Variants in ANKRD40 observed in about 807,000 individuals in gnomAD.
The protein encoded by ANKRD40 is ankyrin repeat domain 40.
In ANKRD40, 24 loss-of-function variants were observed where a neutral mutation model predicts 35.5. The observed-to-expected ratio is 0.68, with a 90% CI of 0.49 to 0.95. The LOEUF is 0.95. ANKRD40 is among the 40% of genes least tolerant of loss of function. ANKRD40 has a pLI of 0.00. For missense variants in ANKRD40, 361 were observed against 436.0 expected (o/e 0.83, Z 1.53); for synonymous variants, 147 against 173.5 (o/e 0.85, Z 1.20).
In ANKRD40 at chr17:50,695,725, A is replaced by G. The variant is rs1209690197; in HGVS notation, c.*272T>C. 27 of 333,210 alleles carry G rather than the reference A, an allele frequency of 8.1e-5. No homozygotes were observed. Among genetic ancestry groups the G allele is most frequent in the African/African-American group, 5.4e-4 (26 of 47,876 alleles). The allele number at this position is 333,210 out of a possible 1,614,324, so 20.6% of individuals were successfully genotyped here. A position where few individuals can be genotyped will look rare whatever the true frequency, so the allele number is the denominator to read the frequency against. On this transcript the variant is annotated 3_prime_UTR_variant, in exon 5 of 5. Transcript: ENST00000285243. The stretch of plus-strand genomic sequence containing the variant: ...ACATTCTGGACATAAAACACACTGG[A>G]TATAGAACCTTCAGCTTCTGCCTCT...
chr17:50,707,530 A>C lies in ANKRD40; in HGVS notation c.125T>G (p.Val42Gly), dbSNP rs1398347890. ...SGVDVNSQNE[V>G]NGWTCLHWAC... ...CCCGCTCCCCACTTACCAGCCGTTGACCTCATTTTGGGAGTTCACATCCAC... is the reference window on the plus strand; with the variant it reads ...CCCGCTCCCCACTTACCAGCCGTTGCCCTCATTTTGGGAGTTCACATCCAC... The change falls in exon 1 of 5, where the codon GTC (valine) becomes GGC (glycine). Residue 42 changes from valine (V) to glycine (G), a missense_variant. Physicochemically the swap from Val to Gly is moderately radical, Grantham distance 109. Transcript: ENST00000285243. The surrounding 1 kb of genome is among the most constrained non-coding windows in gnomAD (Gnocchi z 4.8). 1.2e-6 allele frequency: 2 copies of C among 1,605,394 alleles called. No homozygotes were observed.
intron 1 of ANKRD40, among the ~76,000 whole-genome samples, chr17:50,705,889 G>A (rs1968330604): frequency 6.6e-6 from 1 of 151,144 alleles, no homozygotes; most frequent in African/African-American, 2.4e-5. Context: ...TCGAACTCCT[G>A]ACATCGTGAT....
At chr17:50,702,005 AT>A (rs1309160382) in intron 1 of ANKRD40, among the ~76,000 whole-genome samples, 1 of 152,196 alleles carries the variant, frequency 6.6e-6, no homozygotes, top group African/African-American at 2.4e-5. Flanking sequence ...TGACAAAATT[AT>A]TGCTAATTTG....
In ANKRD40 at chr17:50,694,483, T is replaced by C. The variant is rs755281820; in HGVS notation, c.*1514A>G. The C allele has an allele frequency of 2.0e-5, 3 of 152,228 alleles. No homozygotes were observed. Among genetic ancestry groups the C allele is most frequent in the African/African-American group, 4.8e-5 (2 of 41,460 alleles). The allele number at this position is 152,228 out of a possible 1,614,324, so 9.4% of individuals were successfully genotyped here. A position where few individuals can be genotyped will look rare whatever the true frequency, so the allele number is the denominator to read the frequency against. ...GTTTCTTTGGAAACTATAGGCACTA[T>C]GGGGAAAAAGCTTCTTAAGACAGCA... is the stretch of plus-strand genomic sequence containing the variant. On this transcript the variant is annotated 3_prime_UTR_variant, in exon 5 of 5. Transcript: ENST00000285243.
intron 1 of ANKRD40, chr17:50,701,050 C>G (rs566874895): frequency 5.7e-6 from 1 of 174,010 alleles, no homozygotes; most frequent in Non-Finnish European, 1.2e-5. Flanking sequence ...TCATCTCAGT[C>G]TCTGAAACAT....
intron 1 of ANKRD40, among the ~76,000 whole-genome samples, chr17:50,702,446 C>T (rs987765249): frequency 3.3e-5 from 5 of 151,804 alleles, no homozygotes; most frequent in African/African-American, 9.7e-5. Context: ...TAAAGTGGAC[C>T]TTGCTTGAAG....
Position 50,693,878 on chromosome 17 carries a change from C to G in ANKRD40, c.*2119G>C, listed in dbSNP as rs898947695. The G allele has an allele frequency of 6.6e-6, 1 of 152,080 alleles. No homozygotes were observed. Among genetic ancestry groups the G allele is most frequent in the East Asian group, 1.9e-4 (1 of 5,194 alleles). 9.4% of individuals were successfully genotyped at this position (152,080 alleles called of 1,614,324 possible). Reference sequence around the variant, plus strand: ...GGGCCGGGTGGCTCACACCTGTAATCGGAGCACTTTGGGAGGCCAAGGCAG... The same window carrying G: ...GGGCCGGGTGGCTCACACCTGTAATGGGAGCACTTTGGGAGGCCAAGGCAG... On this transcript the variant is annotated 3_prime_UTR_variant, in exon 5 of 5. Transcript: ENST00000285243.
chr17:50,699,066 G>T (rs949300347), intron 3 of ANKRD40, among the ~76,000 whole-genome samples: 6 of 151,576 alleles, frequency 4.0e-5, no homozygotes, highest in Non-Finnish European at 8.8e-5. Context: ...GGCTGAGGCA[G>T]AAGAATCACT....
chr17:50,699,527 C>T lies in ANKRD40; in HGVS notation c.650G>A (p.Arg217His), dbSNP rs552522679. 24 of 1,614,030 alleles carry T rather than the reference C, an allele frequency of 1.5e-5. No homozygotes were observed. The highest frequency in any genetic ancestry group is 1.7e-5 in the Admixed American group (1 of 60,006). The change falls in exon 3 of 5, where the codon CGC becomes CAC. Residue 217 changes from arginine to histidine, a missense_variant. This residue lies in a region of ANKRD40 where 172 missense variants were observed against 174.0 expected (regional missense o/e 0.99). Transcript: ENST00000285243. The part of the protein sequence containing the change: ...PVCQPPVSQS[R>H]SLFSSVPSKP... ...GGACGGGACAGAAGAAAACAGGGAGCGGCTCTGACTCACTGGTGGCTGACA... is the reference window on the plus strand; with the variant it reads ...GGACGGGACAGAAGAAAACAGGGAGTGGCTCTGACTCACTGGTGGCTGACA...
At chr17:50,697,777 G>T (rs1473814628) in intron 3 of ANKRD40, among the ~76,000 whole-genome samples, 1 of 152,126 alleles carries the variant, frequency 6.6e-6, no homozygotes, top group Non-Finnish European at 1.5e-5. Context: ...CTGTACATTT[G>T]GCAGTTCTGC....
chr17:50,697,418 T>C (rs1026478041), intron 3 of ANKRD40, among the ~76,000 whole-genome samples: 1 of 152,202 alleles, frequency 6.6e-6, no homozygotes, highest in African/African-American at 2.4e-5. Flanking sequence ...ACTTCTGCCA[T>C]TGGAGCTAAG....
rs1968192208 is a variant in ANKRD40, at chr17:50,695,703, T to A, written c.*294A>T. On this transcript the variant is annotated 3_prime_UTR_variant, in exon 5 of 5. Transcript: ENST00000285243. The stretch of plus-strand genomic sequence containing the variant: ...CTGCTGCTTAGACAACTCTCTTACA[T>A]TCTGGACATAAAACACACTGGATAT... 7.7e-6 allele frequency: 2 copies of A among 259,532 alleles called. No individual in the cohort carries two copies. Among genetic ancestry groups the A allele is most frequent in the Non-Finnish European group, 7.3e-6 (1 of 137,120 alleles). 16.1% of individuals were successfully genotyped at this position (259,532 alleles called of 1,614,324 possible). A position where few individuals can be genotyped will look rare whatever the true frequency, so the allele number is the denominator to read the frequency against.
chr17:50,702,399 CAAA>C (rs201226718), intron 1 of ANKRD40, among the ~76,000 whole-genome samples: 1 of 140,366 alleles, frequency 7.1e-6, no homozygotes, highest in Non-Finnish European at 1.6e-5. Flanking sequence ...GACTCCATCT[CAAA>C]AAAAAAAAAA....
rs563285779 is a variant in ANKRD40, at chr17:50,694,757, G to A, written c.*1240C>T. ...AACAAAGTCTGGTAGACTCATAACT[G>A]ACTTTGTGAAGTGAATTGGTGGTAG... On this transcript the variant is annotated 3_prime_UTR_variant, in exon 5 of 5. Transcript: ENST00000285243. The A allele has an allele frequency of 6.6e-6, 1 of 152,188 alleles. No individual in the cohort carries two copies. The highest frequency in any genetic ancestry group is 1.5e-5 in the Non-Finnish European group (1 of 68,036). The allele number at this position is 152,188 out of a possible 1,614,324, so 9.4% of individuals were successfully genotyped here.
chr17:50,696,739 T>A, intron 4 of ANKRD40: 1 of 398,040 alleles, frequency 2.5e-6, no homozygotes, highest in Non-Finnish European at 4.2e-6. Context: ...TCCACTCCAC[T>A]GCTTCACTTG....
chr17:50,703,801 G>C (rs1270247101), intron 1 of ANKRD40, among the ~76,000 whole-genome samples: 1 of 152,124 alleles, frequency 6.6e-6, no homozygotes, highest in Admixed American at 6.5e-5. Flanking sequence ...TTTTTGAGCA[G>C]AGTGAAATGA....
At chr17:50,703,779 A>G (rs115069966) in intron 1 of ANKRD40, among the ~76,000 whole-genome samples, 1 of 152,220 alleles carries the variant, frequency 6.6e-6, no homozygotes, top group African/African-American at 2.4e-5. Context: ...TTACTGAGTG[A>G]GATAGGAGCC....
chr17:50,695,099 T>A lies in ANKRD40; in HGVS notation c.*898A>T. The A allele has an allele frequency of 6.6e-6, 1 of 151,606 alleles. No homozygotes were observed. 9.4% of individuals were successfully genotyped at this position (151,606 alleles called of 1,614,324 possible). A position where few individuals can be genotyped will look rare whatever the true frequency, so the allele number is the denominator to read the frequency against. On this transcript the variant is annotated 3_prime_UTR_variant, in exon 5 of 5. Transcript: ENST00000285243. ...TAAAAAAAAAGTGGGCTGGGTGCAG[T>A]GGCTCACACCTGTAATCCCAGCACT...
intron 4 of ANKRD40, among the ~76,000 whole-genome samples, chr17:50,696,347 A>T (rs556806857): frequency 6.6e-6 from 1 of 152,350 alleles, no homozygotes; most frequent in African/African-American, 2.4e-5. Context: ...ACAGCTCAGC[A>T]GCTGCGACAG....
Sources: gnomAD v4.1 joint callset for allele counts (sites outside exome capture counted in the v4.1 genomes callset) on GRCh38, gnomAD v4.1.1 for gene constraint, gnomAD v4.1.1 regional missense constraint, Gnocchi (gnomAD v3.1) non-coding constraint, MANE v1.5 for transcripts, NCBI Gene and HGNC (gene_info 2026-07-23, HGNC 2026-07-21) for gene names.